The following TMPRSS9 variants were observed in gnomAD, a reference collection of about 807,000 sequenced individuals.
TMPRSS9 encodes transmembrane serine protease 9.
Under a neutral mutation model 111.4 loss-of-function variants are expected in TMPRSS9, and 113 were observed. That is an observed-to-expected ratio of 1.01 (90% CI 0.87 to 1.19). The LOEUF is 1.19. TMPRSS9 is among the 50% of genes most tolerant of loss of function. The pLI is 0.00. For missense variants in TMPRSS9, 1,803 were observed against 1,513.1 expected (o/e 1.19, Z -3.18); for synonymous variants, 805 against 659.1 (o/e 1.22, Z -3.39).
exon 14 of TMPRSS9, chr19:2,422,025 A>C: frequency 6.2e-7 from 1 of 1,612,814 alleles, no homozygotes. Flanking sequence ...GCCCCTTCCC[A>C]TGTCTCCCCC....
chr19:2,389,691 C>A (rs559296484), upstream of TMPRSS9: 20 of 1,462,294 alleles, frequency 1.4e-5, no homozygotes, highest in East Asian at 4.2e-4. Flanking sequence ...TAGTTGCAAC[C>A]CTTGCTTATG....
chr19:2,426,032 G>T, exon 18 of TMPRSS9: 1 of 1,609,150 alleles, frequency 6.2e-7, no homozygotes, highest in Non-Finnish European at 8.5e-7. Flanking sequence ...CTTCCCAGGT[G>T]TCTATACCCG....
intron 6 of TMPRSS9, among the ~76,000 whole-genome samples, chr19:2,405,155 C>A (rs1046717136): frequency 6.6e-6 from 1 of 152,030 alleles, no homozygotes; most frequent in Non-Finnish European, 1.5e-5. Context: ...GTGCACGTGA[C>A]CTTGAATGCT....
At chr19:2,398,662 A>C (rs1970759463) in intron 2 of TMPRSS9, 133 bp from the exon 4 acceptor site, 1 of 434,128 alleles carries the variant, frequency 2.3e-6, no homozygotes, top group Non-Finnish European at 4.0e-6. Context: ...TAAAAATTTA[A>C]AATAATAAAA....
At chr19:2,394,015 A>G (rs1970655488) in intron 1 of TMPRSS9, among the ~76,000 whole-genome samples, 1 of 152,052 alleles carries the variant, frequency 6.6e-6, no homozygotes. Flanking sequence ...ATCCTGGCCA[A>G]CATGATGAAA....
chr19:2,399,171 A>G, exon 4 of TMPRSS9: 1 of 1,607,072 alleles, frequency 6.2e-7, no homozygotes, highest in South Asian at 1.1e-5. Flanking sequence ...CCTATGGCAC[A>G]ATTGTGTCGG....
chr19:2,381,558 C>G (rs1261316553), intron 1 of TMPRSS9, among the ~76,000 whole-genome samples: 1 of 151,942 alleles, frequency 6.6e-6, no homozygotes, highest in Admixed American at 6.6e-5. Context: ...CTTCACTCCC[C>G]GCTGCCCCTG....
rs372987781 is a variant in TMPRSS9 at position 2,402,031 on chromosome 19, C to T, written c.556+15C>T. On this transcript the variant is annotated intron_variant, in intron 5 of 17. Coordinates refer to ENST00000648592, the Ensembl canonical transcript of TMPRSS9. ...CTTCAAATCAGGTATGTTTTTCTCT[C>T]TGGCCTTTTCTCTGATTGCAGTTAC... 10 of 1,609,006 alleles carry T rather than the reference C, an allele frequency of 6.2e-6. No homozygotes were observed. The African/African-American group carries it at 8.0e-5, about 13-fold the overall frequency.
intron 7 of TMPRSS9, among the ~76,000 whole-genome samples, chr19:2,406,102 C>G (rs1455144349): frequency 1.3e-5 from 2 of 149,160 alleles, no homozygotes; most frequent in Non-Finnish European, 3.0e-5. Context: ...GCTCCGCCTC[C>G]CGGGTTCACG....
At chr19:2,402,746 TAAATAAATAAAATAAAATAA>T (rs1424850707) in intron 5 of TMPRSS9, among the ~76,000 whole-genome samples, 1 of 151,260 alleles carries the variant, frequency 6.6e-6, no homozygotes, top group Non-Finnish European at 1.5e-5. Context: ...CTCAAAAAAA[TAAATAAATAAAATAAAATAA>T]AAATAAATAA....
intron 17 of TMPRSS9, 116 bp downstream of exon 18, chr19:2,425,609 C>T (rs1369167096): frequency 1.1e-5 from 15 of 1,375,856 alleles, no homozygotes; most frequent in Middle Eastern, 2.7e-4. Context: ...GCTTCTCCAG[C>T]GGATCAAGCA....
intron 1 of TMPRSS9, among the ~76,000 whole-genome samples, chr19:2,384,640 C>G (rs901283036): frequency 6.6e-6 from 1 of 151,566 alleles, no homozygotes. Context: ...GTGGTGAAAC[C>G]CCGTCTCTAC....
chr19:2,368,758 A>G (rs1970265734), intron 1 of TMPRSS9, among the ~76,000 whole-genome samples: 1 of 139,562 alleles, frequency 7.2e-6, no homozygotes, highest in Non-Finnish European at 1.5e-5. Flanking sequence ...GTGCCAGGGC[A>G]TCAAGGATAA....
At chr19:2,424,280 GCC>G in intron 15 of TMPRSS9, 23 bp downstream of exon 16, 1 of 1,337,098 alleles carries the variant, frequency 7.5e-7, no homozygotes, top group Non-Finnish European at 9.7e-7. Flanking sequence ...CGCTCCAAAT[GCC>G]CCTACATGTC....
intron 1 of TMPRSS9, among the ~76,000 whole-genome samples, chr19:2,365,940 G>A (rs1970245263): frequency 6.6e-6 from 1 of 151,974 alleles, no homozygotes; most frequent in African/African-American, 2.4e-5. Flanking sequence ...CTCCAGCCTG[G>A]GTGATAGAGT....
At chr19:2,379,623 T>TTCTTTCTTTCTA (rs1465914789) in intron 1 of TMPRSS9, among the ~76,000 whole-genome samples, 2,261 of 130,230 alleles carry the variant, frequency 0.017, 91 homozygotes, top group African/African-American at 0.066. Flanking sequence ...TTCTCTTTCT[T>TTCTTTCTTTCTA]TCTTTCTTTC....
upstream of TMPRSS9, among the ~76,000 whole-genome samples, chr19:2,387,583 A>G (rs1268214348): frequency 1.3e-5 from 2 of 151,666 alleles, no homozygotes; most frequent in South Asian, 4.2e-4. Flanking sequence ...AGGGAAGGGA[A>G]GGGAGAAAGG....
At chr19:2,423,382 G>T (rs925871377) in intron 14 of TMPRSS9, among the ~76,000 whole-genome samples, 4 of 151,174 alleles carry the variant, frequency 2.6e-5, no homozygotes, top group African/African-American at 9.7e-5. Context: ...GTCAGGGCCA[G>T]ACGGTGCCAA....
At chr19:2,417,829 C>G (rs918850626) in intron 12 of TMPRSS9, among the ~76,000 whole-genome samples, 173 bp from the exon 14 acceptor site, 1 of 152,144 alleles carries the variant, frequency 6.6e-6, no homozygotes, top group African/African-American at 2.4e-5. Flanking sequence ...AGCGGGCCAT[C>G]AGGCCCACCT....
Sources: gnomAD v4.1 joint callset for allele counts (sites outside exome capture counted in the v4.1 genomes callset) on GRCh38, gnomAD v4.1.1 for gene constraint, MANE v1.5 for transcripts, NCBI Gene and HGNC (gene_info 2026-07-23, HGNC 2026-07-21) for gene names.